PDXDC1: variants seen among roughly 807,000 people sequenced by gnomAD.
PDXDC1 encodes the protein pyridoxal dependent decarboxylase domain containing 1.
Under a neutral mutation model 100.1 loss-of-function variants are expected in PDXDC1, and 42 were observed. The ratio of observed to expected loss-of-function variants is 0.42; its 90% CI spans 0.33 to 0.54. PDXDC1 has a LOEUF of 0.54. Among genes scored for constraint, PDXDC1 ranks in the 20% least tolerant of loss-of-function variants. PDXDC1 has a pLI of 0.10. For missense variants in PDXDC1, 636 were observed against 979.2 expected (o/e 0.65, Z 4.68); for synonymous variants, 260 against 371.7 (o/e 0.70, Z 3.46).
intron 16 of PDXDC1, chr16:15,083,663 G>A: frequency 1.9e-6 from 3 of 1,568,450 alleles, no homozygotes; most frequent in East Asian, 2.3e-5. Flanking sequence ...CATTCTAAAA[G>A]CAAATATTGA....
chr16:15,046,430 G>A (rs936247457), intron 16 of PDXDC1, among the ~76,000 whole-genome samples: 1 of 152,100 alleles, frequency 6.6e-6, no homozygotes, highest in South Asian at 2.1e-4. Flanking sequence ...GGCCTGTGTC[G>A]TCGGCCTCCA....
At chr16:15,069,764 G>A (rs549829034) in intron 16 of PDXDC1, among the ~76,000 whole-genome samples, 4 of 152,290 alleles carry the variant, frequency 2.6e-5, no homozygotes, top group Admixed American at 2.0e-4. Context: ...TGTACAGGGC[G>A]CTGGCACAGC....
intron 16 of PDXDC1, chr16:15,085,843 A>G (rs2045896981): frequency 7.8e-7 from 1 of 1,285,826 alleles, no homozygotes; most frequent in South Asian, 1.5e-5. Flanking sequence ...TGATTAATTA[A>G]ACGCACAATC....
the PDXDC1 span, among the ~76,000 whole-genome samples, chr16:15,144,520 C>T: frequency 4.6e-5 from 7 of 151,960 alleles, no homozygotes; most frequent in South Asian, 6.2e-4. Context: ...TGATAGAGGA[C>T]GAGGCTGCCA....
intron 12 of PDXDC1, among the ~76,000 whole-genome samples, chr16:15,021,941 C>T (rs1224323249): frequency 6.6e-6 from 1 of 152,302 alleles, no homozygotes; most frequent in Non-Finnish European, 1.5e-5. Flanking sequence ...ATCCCTGCAA[C>T]TTCACTAGAA....
At chr16:15,147,931 C>T in the PDXDC1 span, among the ~76,000 whole-genome samples, 2 of 152,068 alleles carry the variant, frequency 1.3e-5, no homozygotes, top group Non-Finnish European at 2.9e-5. Flanking sequence ...GTGATCCCCC[C>T]ACCTTGGCCT....
chr16:15,065,383 A>G (rs530423884), intron 16 of PDXDC1: 1 of 1,611,726 alleles, frequency 6.2e-7, no homozygotes, highest in South Asian at 1.1e-5. Context: ...TGTGGAACAA[A>G]AAAACAACAC....
At chr16:14,984,450 AGAGAGTGTGTGT>A (rs1567611094) in intron 1 of PDXDC1, among the ~76,000 whole-genome samples, 2 of 105,460 alleles carry the variant, frequency 1.9e-5, no homozygotes, top group Non-Finnish European at 3.5e-5. Context: ...AGAGAGAGAG[AGAGAGTGTGTGT>A]GTGTGTGTGT....
chr16:15,149,656 G>A, the PDXDC1 span, among the ~76,000 whole-genome samples: 2 of 152,232 alleles, frequency 1.3e-5, no homozygotes, highest in African/African-American at 2.4e-5. Context: ...AAGGCCCTGG[G>A]TGCTCCTATA....
chr16:15,022,620 C>T lies in PDXDC1; in HGVS notation c.1090-84C>T. ...TGACTTTGCCTGACATCCGTGTTCA[C>T]AGACCTCCACAGCCCCTGGTGAAAA... On this transcript the variant is annotated intron_variant, in intron 12 of 22. Transcript: ENST00000396410. The T allele has an allele frequency of 3.0e-6, 4 of 1,344,348 alleles. No individual in the cohort carries two copies. In the East Asian group the frequency reaches 1.0e-4, roughly 34 times the overall value. 83.3% of individuals were successfully genotyped at this position (1,344,348 alleles called of 1,614,324 possible).
intron 16 of PDXDC1, chr16:15,130,900 A>T: frequency 1.4e-6 from 1 of 718,614 alleles, no homozygotes; most frequent in Non-Finnish European, 2.4e-6. Context: ...GAAAGGCCAT[A>T]GGAGCCTCTG....
chr16:15,021,627 G>A (rs1334624633), intron 12 of PDXDC1, among the ~76,000 whole-genome samples: 3 of 152,264 alleles, frequency 2.0e-5, no homozygotes, highest in Non-Finnish European at 2.9e-5. Flanking sequence ...GCACAGCTCT[G>A]GCATCTTCCT....
At chr16:15,104,241 T>C (rs946206164) in intron 16 of PDXDC1, 29 of 1,272,006 alleles carry the variant, frequency 2.3e-5, no homozygotes, top group Admixed American at 1.8e-4. Context: ...ACCCCTACGA[T>C]TAAAAACCTC....
intron 16 of PDXDC1, chr16:15,092,674 C>T: frequency 1.8e-6 from 2 of 1,118,538 alleles, no homozygotes; most frequent in South Asian, 2.5e-5. Flanking sequence ...TTATAATAGC[C>T]AACATTTATT....
intron 16 of PDXDC1, among the ~76,000 whole-genome samples, chr16:15,067,157 G>A (rs1396257999): frequency 2.6e-5 from 4 of 151,610 alleles, no homozygotes; most frequent in Non-Finnish European, 5.9e-5. Flanking sequence ...TGAACCAGAC[G>A]CCTAGCAAAG....
intron 16 of PDXDC1, among the ~76,000 whole-genome samples, chr16:15,071,934 A>G (rs1293892582): frequency 1.3e-5 from 2 of 152,116 alleles, no homozygotes; most frequent in African/African-American, 2.4e-5. Context: ...GGAGCTCCAC[A>G]TGGGCACTCC....
Position 15,036,330 on chromosome 16 carries a change from T to G in PDXDC1, c.*55T>G. The G allele has an allele frequency of 6.7e-7, 1 of 1,482,100 alleles. No homozygotes were observed. The highest frequency in any genetic ancestry group is 9.2e-7 in the Non-Finnish European group (1 of 1,082,242). The allele number at this position is 1,482,100 out of a possible 1,614,324, so 91.8% of individuals were successfully genotyped here. ...AGTATTGTTTCAGGGAAGATGAAGT[T>G]CTATTGGAAATGTGAACTGTGCCAC... On this transcript the variant is annotated 3_prime_UTR_variant, in exon 23 of 23. Transcript: ENST00000396410.
chr16:15,076,685 A>T (rs2045470452), intron 16 of PDXDC1: 2 of 1,414,202 alleles, frequency 1.4e-6, no homozygotes, highest in African/African-American at 1.4e-5. Context: ...GAATAAAAGG[A>T]TTTAAAAAAT....
chr16:15,040,270 C>T (rs1299731209), downstream of PDXDC1: 10 of 435,154 alleles, frequency 2.3e-5, no homozygotes, highest in East Asian at 3.6e-4. Flanking sequence ...GAGGCTCGAG[C>T]TGGACTCGGT....
Sources: allele counts gnomAD v4.1 joint callset (sites outside exome capture counted in the v4.1 genomes callset), GRCh38; gene constraint gnomAD v4.1.1; transcripts MANE v1.5; gene names NCBI Gene and HGNC (gene_info 2026-07-23, HGNC 2026-07-21).